Variants in GPC6 observed in about 807,000 individuals in gnomAD.
GPC6 encodes the protein glypican 6.
GPC6 carries 14 observed loss-of-function variants against 55.2 expected under a neutral mutation model. That is an observed-to-expected ratio of 0.25 (90% CI 0.17 to 0.40). The LOEUF (loss-of-function observed/expected upper bound fraction) is 0.40, where lower values mean the gene tolerates loss of function less well. GPC6 is among the 10% of genes least tolerant of loss of function. The pLI is 1.00. For synonymous variants in GPC6, 278 were observed against 259.6 expected (o/e 1.07, Z -0.68); for missense variants, 641 against 708.5 (o/e 0.90, Z 1.08).
chr13:93,627,342 T>A (rs934937146), intron 2 of GPC6, among the ~76,000 whole-genome samples: 1 of 152,160 alleles, frequency 6.6e-6, no homozygotes, highest in African/African-American at 2.4e-5. Flanking sequence ...CTCATCCTTT[T>A]TTATGGCTGC....
At chr13:93,735,484 G>A (rs1166441355) in intron 2 of GPC6, among the ~76,000 whole-genome samples, 18 of 150,498 alleles carry the variant, frequency 1.2e-4, no homozygotes, top group Admixed American at 1.2e-3. Context: ...GTGAGCCATT[G>A]CACTCCAGCA....
At chr13:93,932,683 G>C (rs1338186267) in intron 3 of GPC6, among the ~76,000 whole-genome samples, 1 of 152,026 alleles carries the variant, frequency 6.6e-6, no homozygotes, top group Non-Finnish European at 1.5e-5. Context: ...TTAAATCTTT[G>C]TTCCACCCTT....
intron 4 of GPC6, among the ~76,000 whole-genome samples, chr13:94,079,371 A>G (rs1287722827): frequency 6.6e-6 from 1 of 152,100 alleles, no homozygotes; most frequent in Non-Finnish European, 1.5e-5. Context: ...TATTTCAGAG[A>G]TTTTTAATAA....
chr13:93,325,987 G>A (rs1419918098), intron 1 of GPC6, among the ~76,000 whole-genome samples: 1 of 152,120 alleles, frequency 6.6e-6, no homozygotes, highest in East Asian at 1.9e-4. Flanking sequence ...ATAATGGAGA[G>A]TAACATAGTC....
At position 93,512,852 on chromosome 13, in the gene GPC6, T is replaced by C. The variant is rs543034027; in HGVS notation, c.161-32411T>C. ...AATAATATGCTAAAAGGATTTTCTA[T>C]ACACAAAAGCAGATAACTATAATAT... On this transcript the variant is annotated intron_variant, in intron 1 of 8. Transcript: ENST00000377047. Among the ~76,000 whole-genome samples the C allele has an allele frequency of 6.2e-4, 95 of 152,262 alleles. 1 individual carries two copies. The highest frequency in any genetic ancestry group is 2.3e-3 in the South Asian group (11 of 4,832).
In GPC6 at chr13:93,902,359, C is replaced by T. The variant is rs117379201; in HGVS notation, c.711+71814C>T. 4.0e-3 allele frequency among the ~76,000 whole-genome samples: 612 copies of T among 152,242 alleles called. 4 individuals are homozygous for T. The highest frequency in any genetic ancestry group is 7.3e-3 in the Non-Finnish European group (498 of 68,022). On this transcript the variant is annotated intron_variant, in intron 3 of 8. Coordinates refer to ENST00000377047, the MANE Select transcript of GPC6 (RefSeq NM_005708.5). ...TTACCATAATGTCCTCTAAGTTCAT[C>T]CACCTTTCTGTAGATAACAGGATTT...
intron 2 of GPC6, among the ~76,000 whole-genome samples, chr13:93,658,799 G>A (rs1366850736): frequency 6.6e-6 from 1 of 151,466 alleles, no homozygotes; most frequent in African/African-American, 2.4e-5. Flanking sequence ...GAGGATTTTG[G>A]TATCTGTGTT....
At position 93,833,107 on chromosome 13, in the gene GPC6, T is replaced by TAGAGAGAGAG. The variant is rs367949345; in HGVS notation, c.711+2604_711+2613dup. Among the ~76,000 whole-genome samples, 248 of 109,062 alleles carry TAGAGAGAGAG rather than the reference T, an allele frequency of 2.3e-3. 2 individuals are homozygous for TAGAGAGAGAG. Among genetic ancestry groups the TAGAGAGAGAG allele is most frequent in the Admixed American group, 3.8e-3 (39 of 10,140 alleles). 71.5% of individuals were successfully genotyped at this position (109,062 alleles called of 152,430 possible). On this transcript the variant is annotated intron_variant, in intron 3 of 8. Coordinates refer to ENST00000377047, the MANE Select transcript of GPC6 (RefSeq NM_005708.5). ...GATGGATGGGTAGATAGGTAGATGA[T>TAGAGAGAGAG]AGAGAGAGAGAGAGAGAGAGAGAGA...
chr13:93,279,726 A>G (rs966578696), intron 1 of GPC6, among the ~76,000 whole-genome samples: 7 of 152,240 alleles, frequency 4.6e-5, no homozygotes, highest in Non-Finnish European at 7.3e-5. Context: ...TCAGTATGAT[A>G]TAACTCTACT....
At chr13:93,506,510 T>C (rs942352125) in intron 1 of GPC6, among the ~76,000 whole-genome samples, 2 of 152,142 alleles carry the variant, frequency 1.3e-5, no homozygotes, top group Non-Finnish European at 2.9e-5. Flanking sequence ...TACCAATATG[T>C]ACTTTCCTTT....
intron 3 of GPC6, among the ~76,000 whole-genome samples, chr13:93,957,126 T>C (rs1025270718): frequency 2.0e-5 from 3 of 152,176 alleles, no homozygotes; most frequent in African/African-American, 7.2e-5. Context: ...GTTATTGCCC[T>C]AGTACATAAC....
At chr13:94,104,571 C>T (rs1885984308) in intron 4 of GPC6, among the ~76,000 whole-genome samples, 1 of 152,164 alleles carries the variant, frequency 6.6e-6, no homozygotes, top group East Asian at 1.9e-4. Flanking sequence ...TAGAAAACCC[C>T]ATCGTCTCAG....
At chr13:93,270,547 T>C (rs1877483210) in intron 1 of GPC6, among the ~76,000 whole-genome samples, 1 of 152,102 alleles carries the variant, frequency 6.6e-6, no homozygotes, top group Admixed American at 6.6e-5. Context: ...CTCTGTAAAT[T>C]GCTTCCAAAT....
intron 1 of GPC6, among the ~76,000 whole-genome samples, chr13:93,245,997 C>A (rs1162299629): frequency 6.6e-6 from 1 of 152,150 alleles, no homozygotes; most frequent in Admixed American, 6.5e-5. Context: ...TCCTATTTTT[C>A]TTACTAATAT....
At chr13:93,554,333 G>A (rs1288656876) in intron 2 of GPC6, among the ~76,000 whole-genome samples, 1 of 152,044 alleles carries the variant, frequency 6.6e-6, no homozygotes, top group African/African-American at 2.4e-5. Flanking sequence ...CAACCTATAG[G>A]ATTTTGACTC....
intron 4 of GPC6, among the ~76,000 whole-genome samples, chr13:94,165,136 G>GT (rs1888312500): frequency 6.6e-6 from 1 of 151,292 alleles, no homozygotes; most frequent in Non-Finnish European, 1.5e-5. Context: ...GCAAAAATAT[G>GT]GAACCAGCCC....
intron 6 of GPC6, among the ~76,000 whole-genome samples, chr13:94,323,216 A>G (rs1876931717): frequency 6.6e-6 from 1 of 152,134 alleles, no homozygotes; most frequent in Non-Finnish European, 1.5e-5. Context: ...TAATTTGCAC[A>G]TGGCACAGCA....
chr13:94,021,395 A>G (rs1882690621), intron 3 of GPC6, among the ~76,000 whole-genome samples: 1 of 152,044 alleles, frequency 6.6e-6, no homozygotes, highest in African/African-American at 2.4e-5. Flanking sequence ...ATGCTGGTCC[A>G]GATATAGAAA....
chr13:93,922,993 A>G (rs1423922361), intron 3 of GPC6, among the ~76,000 whole-genome samples: 1 of 152,232 alleles, frequency 6.6e-6, no homozygotes, highest in Non-Finnish European at 1.5e-5. Context: ...TTGACTGGGG[A>G]CTGGTGAACA....
Sources: allele counts gnomAD v4.1 joint callset (sites outside exome capture counted in the v4.1 genomes callset), GRCh38; gene constraint gnomAD v4.1.1; transcripts MANE v1.5; gene names NCBI Gene and HGNC (gene_info 2026-07-23, HGNC 2026-07-21).